The following FHIP2B variants were observed in gnomAD, a reference collection of about 807,000 sequenced individuals.
FHIP2B encodes FHF complex subunit HOOK interacting protein 2B.
A neutral mutation model predicts 84.0 loss-of-function variants in FHIP2B; 72 were observed. The ratio of observed to expected loss-of-function variants is 0.86; its 90% CI spans 0.71 to 1.04. FHIP2B has a LOEUF of 1.04. Ranked by LOEUF, FHIP2B falls within the 50% of genes least tolerant of loss-of-function variation. The pLI is 0.00. For missense variants in FHIP2B, 972 were observed against 968.9 expected (o/e 1.00, Z -0.04); for synonymous variants, 497 against 418.7 (o/e 1.19, Z -2.28).
rs1272711942 is a variant in FHIP2B, at chr8:22,102,190, C to G, written c.1867C>G (p.Leu623Val). 1 of 1,613,570 alleles carries G rather than the reference C, an allele frequency of 6.2e-7. No individual in the cohort carries two copies. The highest frequency in any genetic ancestry group is 8.5e-7 in the Non-Finnish European group (1 of 1,179,878). ...RILDQPYSLN[L>V]QVTSVLSRLA... The stretch of plus-strand genomic sequence containing the variant: ...GTTCCTACAGCCATACAGCCTGAAC[C>G]TGCAGGTGACCTCGGTCCTGTCCCG... The change falls in exon 15 of 17, where the codon CTG becomes GTG. Residue 623 changes from leucine to valine, a missense_variant. Coordinates refer to ENST00000289921, the MANE Select transcript of FHIP2B (RefSeq NM_022749.7).
chr8:22,102,069 C>T (rs1347467066), intron 14 of FHIP2B, 106 bp from the exon 15 acceptor site: 14 of 1,590,228 alleles, frequency 8.8e-6, no homozygotes, highest in African/African-American at 1.3e-5. Flanking sequence ...TCACGTGAGC[C>T]TCCCACCCCC....
chr8:22,102,103 A>T, intron 14 of FHIP2B, 72 bp from the exon 15 acceptor site: 5 of 1,610,276 alleles, frequency 3.1e-6, no homozygotes, highest in Non-Finnish European at 3.4e-6. Flanking sequence ...GTGGCCAGGC[A>T]CCTTGCTGGG....
chr8:22,100,046 A>C, intron 10 of FHIP2B, 153 bp downstream of exon 10: 1 of 720,464 alleles, frequency 1.4e-6, no homozygotes, highest in Non-Finnish European at 2.1e-6. Flanking sequence ...TCACACACTA[A>C]TTTTCTATGA....
rs1248200368 is a variant in FHIP2B at position 22,102,162 on chromosome 8, C to T, written c.1852-13C>T. ...CCTGCCAGCCCTCGGCTCTGTCCAC[C>T]ATGTTCCTACAGCCATACAGCCTGA... On this transcript the variant is annotated splice_polypyrimidine_tract_variant and intron_variant, in intron 14 of 16. Coordinates refer to ENST00000289921, the MANE Select transcript of FHIP2B (RefSeq NM_022749.7). 2.5e-6 allele frequency: 4 copies of T among 1,613,262 alleles called. No homozygotes were observed.
At chr8:22,089,592 G>T (rs949360108) in intron 1 of FHIP2B, among the ~76,000 whole-genome samples, 5 of 151,998 alleles carry the variant, frequency 3.3e-5, no homozygotes, top group African/African-American at 1.2e-4. Flanking sequence ...TCCCGAACTC[G>T]CCTCCGCCGG....
chr8:22,098,830 T>G, intron 7 of FHIP2B, 118 bp from the exon 8 acceptor site: 1 of 1,007,654 alleles, frequency 9.9e-7, no homozygotes, highest in Non-Finnish European at 1.5e-6. Flanking sequence ...CCAAGATAAC[T>G]GATCCCCAGC....
intron 1 of FHIP2B, among the ~76,000 whole-genome samples, chr8:22,092,656 T>G (rs184102373): frequency 6.6e-6 from 1 of 150,578 alleles, no homozygotes; most frequent in African/African-American, 2.4e-5. Flanking sequence ...TGACTGAGAC[T>G]TCTTGGCTTG....
In FHIP2B at chr8:22,103,038, C is replaced by T. The variant is rs1563605031; in HGVS notation, c.*107C>T. The T allele has an allele frequency of 9.3e-6, 13 of 1,394,796 alleles. No homozygotes were observed. Among genetic ancestry groups the T allele is most frequent in the Middle Eastern group, 1.8e-4 (1 of 5,492 alleles). The allele number at this position is 1,394,796 out of a possible 1,614,324, so 86.4% of individuals were successfully genotyped here. On this transcript the variant is annotated 3_prime_UTR_variant, in exon 17 of 17. Coordinates refer to ENST00000289921, the MANE Select transcript of FHIP2B (RefSeq NM_022749.7). ...CCTCCTGGGATGGGGCTTCTGCTCC[C>T]GGGCTCACTCAAGGAGACTGCGGCA...
Position 22,097,510 on chromosome 8 carries a change from C to T in FHIP2B, c.298-6C>T. ...GCTCTGACAGGCGCTCTGTCCCTGG[C>T]CTCAGTACCCCCCAGGCATGCGGCA... On this transcript the variant is annotated splice_region_variant and splice_polypyrimidine_tract_variant and intron_variant, in intron 3 of 16. Coordinates refer to ENST00000289921, the MANE Select transcript of FHIP2B (RefSeq NM_022749.7). The T allele has an allele frequency of 6.3e-7, 1 of 1,597,934 alleles. No homozygotes were observed. The highest frequency in any genetic ancestry group is 8.5e-7 in the Non-Finnish European group (1 of 1,173,448).
intron 1 of FHIP2B, among the ~76,000 whole-genome samples, chr8:22,090,463 G>T (rs191275688): frequency 1.5e-3 from 221 of 152,196 alleles, no homozygotes; most frequent in African/African-American, 5.2e-3. Context: ...GGTAGAGAGG[G>T]TTCCAAAATG....
At chr8:22,090,170 G>C (rs1054702202) in intron 1 of FHIP2B, among the ~76,000 whole-genome samples, 1 of 146,782 alleles carries the variant, frequency 6.8e-6, no homozygotes, top group Admixed American at 6.9e-5. Flanking sequence ...GGTGCCCGCT[G>C]TTGAAAGTAA....
Position 22,089,243 on chromosome 8 carries a change from C to T in FHIP2B, c.-11C>T, listed in dbSNP as rs1825328354. The T allele has an allele frequency of 2.8e-6, 3 of 1,060,154 alleles. No homozygotes were observed. Among genetic ancestry groups the T allele is most frequent in the South Asian group, 8.8e-5 (2 of 22,816 alleles). 65.7% of individuals were successfully genotyped at this position (1,060,154 alleles called of 1,614,324 possible). A position where few individuals can be genotyped will look rare whatever the true frequency, so the allele number is the denominator to read the frequency against. On this transcript the variant is annotated 5_prime_UTR_variant, in exon 1 of 17. Coordinates refer to ENST00000289921, the MANE Select transcript of FHIP2B (RefSeq NM_022749.7). ...CCGCTTTCGCCCGGGAGCCGGGGGC[C>T]GGGCGCCATCATGCTGAGCCGGCTC...
chr8:22,100,627 C>A lies in FHIP2B; in HGVS notation c.1375C>A (p.Leu459Met). The A allele has an allele frequency of 6.3e-7, 1 of 1,587,502 alleles. No individual in the cohort carries two copies. The highest frequency in any genetic ancestry group is 8.6e-7 in the Non-Finnish European group (1 of 1,166,758). ...SITTLRLFEE[L>M]LQKPHEGIIH... Reference sequence around the variant, plus strand: ...CACCACACTCCGGCTGTTTGAGGAGCTGCTGCAGAAGCCCCACGAGGGGAT... The same window carrying A: ...CACCACACTCCGGCTGTTTGAGGAGATGCTGCAGAAGCCCCACGAGGGGAT... Residue 459 changes from leucine to methionine, a missense_variant, in exon 11 of 17, where the codon CTG becomes ATG. By Grantham distance (15) the Leu-to-Met change is conservative (BLOSUM62 2). Coordinates refer to ENST00000289921, the MANE Select transcript of FHIP2B (RefSeq NM_022749.7).
chr8:22,103,041 G>T lies in FHIP2B; in HGVS notation c.*110G>T. Reference sequence around the variant, plus strand: ...CCTGGGATGGGGCTTCTGCTCCCGGGCTCACTCAAGGAGACTGCGGCATGT... The same window carrying T: ...CCTGGGATGGGGCTTCTGCTCCCGGTCTCACTCAAGGAGACTGCGGCATGT... On this transcript the variant is annotated 3_prime_UTR_variant, in exon 17 of 17. Coordinates refer to ENST00000289921, the MANE Select transcript of FHIP2B (RefSeq NM_022749.7). The T allele has an allele frequency of 2.2e-6, 3 of 1,380,412 alleles. No individual in the cohort carries two copies. Among genetic ancestry groups the T allele is most frequent in the Non-Finnish European group, 2.9e-6 (3 of 1,029,644 alleles). The allele number at this position is 1,380,412 out of a possible 1,614,324, so 85.5% of individuals were successfully genotyped here. A position where few individuals can be genotyped will look rare whatever the true frequency, so the allele number is the denominator to read the frequency against.
rs753540978 is a variant in FHIP2B, at chr8:22,096,526, G to A, written c.297+17G>A. The stretch of plus-strand genomic sequence containing the variant: ...AAGGCCGAGGTGGGAGGCCCTCTGC[G>A]CGCTGGGCCAGGCCGAGGTGGGAGG... On this transcript the variant is annotated intron_variant, in intron 3 of 16. Transcript: ENST00000289921. The A allele has an allele frequency of 5.2e-5, 78 of 1,506,272 alleles. No individual in the cohort carries two copies. The South Asian group carries it at 6.7e-4, about 13-fold the overall frequency. 93.3% of individuals were successfully genotyped at this position (1,506,272 alleles called of 1,614,324 possible).
chr8:22,089,825 A>G, intron 1 of FHIP2B: 1 of 1,285,342 alleles, frequency 7.8e-7, no homozygotes, highest in Non-Finnish European at 1.0e-6. Flanking sequence ...TGGGAAGTGC[A>G]GGCCCTGCCG....
At chr8:22,093,787 A>G (rs981030542) in intron 1 of FHIP2B, among the ~76,000 whole-genome samples, 4 of 136,146 alleles carry the variant, frequency 2.9e-5, no homozygotes, top group African/African-American at 8.6e-5. Context: ...TGCGATCACA[A>G]TTCACTGAAG....
chr8:22,098,851 C>T (rs1825941651), intron 7 of FHIP2B, 97 bp from the exon 8 acceptor site: 1 of 1,120,384 alleles, frequency 8.9e-7, no homozygotes, highest in Admixed American at 2.1e-5. Context: ...CACAGAGGTT[C>T]CACAGGAGAG....
At chr8:22,091,862 T>TCC (rs1438302190) in intron 1 of FHIP2B, among the ~76,000 whole-genome samples, 1 of 152,200 alleles carries the variant, frequency 6.6e-6, no homozygotes, top group African/African-American at 2.4e-5. Context: ...GGAAAGAATC[T>TCC]CTCCAGGAGT....
Sources: gnomAD v4.1 joint callset for allele counts (sites outside exome capture counted in the v4.1 genomes callset) on GRCh38, gnomAD v4.1.1 for gene constraint, MANE v1.5 for transcripts, NCBI Gene and HGNC (gene_info 2026-07-23, HGNC 2026-07-21) for gene names.